The following DAB2IP variants were observed in gnomAD, a reference collection of about 807,000 sequenced individuals.
DAB2IP encodes the protein DAB2 interacting protein, also known as disabled homolog 2-interacting protein.
In DAB2IP, 28 loss-of-function variants were observed where a neutral mutation model predicts 107.2. The observed-to-expected ratio is 0.26, with a 90% CI of 0.19 to 0.36. The LOEUF is 0.36. DAB2IP is among the 10% of genes least tolerant of loss of function. The pLI, the probability that DAB2IP is intolerant of heterozygous loss-of-function variation, is 1.00. For synonymous variants in DAB2IP, 755 were observed against 706.4 expected, an observed-to-expected ratio of 1.07 and a Z score of -1.09; for missense variants, 1,400 against 1,644.7, an observed-to-expected ratio of 0.85 and a Z score of 2.57.
In DAB2IP at chr9:121,627,588, A is replaced by G. The variant is rs543312924; in HGVS notation, c.41-51090A>G. Among the ~76,000 whole-genome samples, 261 of 152,254 alleles carry G rather than the reference A, an allele frequency of 1.7e-3. 1 individual carries two copies. The highest frequency in any genetic ancestry group is 5.7e-3 in the African/African-American group (236 of 41,560). The stretch of plus-strand genomic sequence containing the variant: ...TGTGGCTGTGTACTCTCCTGGCAGC[A>G]GGATGTGAGAGTCGGTGGGTCATGA... On this transcript the variant is annotated intron_variant, in intron 1 of 16. Coordinates refer to the DAB2IP transcript ENST00000259371.
rs886997639 is a variant in DAB2IP at position 121,698,409 on chromosome 9, A to G, written c.229-916A>G. On this transcript the variant is annotated intron_variant, in intron 2 of 15. Coordinates refer to ENST00000408936, the Ensembl canonical transcript of DAB2IP. This position sits in a 1 kb window ranked among gnomAD's most constrained non-coding sequence, Gnocchi z 4.1. Reference sequence around the variant, plus strand: ...AACGCCTGTCTCCTCTGTCTCTGCCATTAGACCAGGAGCTCTTGGGATGGG... The same window carrying G: ...AACGCCTGTCTCCTCTGTCTCTGCCGTTAGACCAGGAGCTCTTGGGATGGG... Among the ~76,000 whole-genome samples the G allele has an allele frequency of 6.6e-6, 1 of 152,202 alleles. No homozygotes were observed. Among genetic ancestry groups the G allele is most frequent in the African/African-American group, 2.4e-5 (1 of 41,446 alleles).
chr9:121,773,586 C>T, intron 12 of DAB2IP, 91 bp downstream of exon 12: 1 of 1,315,178 alleles, frequency 7.6e-7, no homozygotes, highest in Non-Finnish European at 9.7e-7. Flanking sequence ...TCGGTCATTT[C>T]ACCTCCACCC....
At chr9:121,766,763 G>GGCAGGGCTGGTGTCC in intron 9 of DAB2IP, 33 bp downstream of exon 9, 1 of 1,609,126 alleles carries the variant, frequency 6.2e-7, no homozygotes, top group Non-Finnish European at 8.5e-7. Context: ...GGCAGAGTTG[G>GGCAGGGCTGGTGTCC]GCAGGGCTGG....
rs535502869 is a variant in DAB2IP at position 121,710,197 on chromosome 9, C to G, written c.362+10739C>G. ...TTCCAAGAGGTAAAAGTCACTTGCC[C>G]TGAGTCGGACAGCAGGTGAGTGGCA... On this transcript the variant is annotated intron_variant, in intron 3 of 15. Transcript: ENST00000408936. Among the ~76,000 whole-genome samples the G allele has an allele frequency of 6.6e-5, 10 of 152,336 alleles. No individual in the cohort carries two copies. The South Asian group carries it at 2.1e-3, about 32-fold the overall frequency.
At chr9:121,573,273 C>T (rs186597876) in intron 1 of DAB2IP, among the ~76,000 whole-genome samples, 48 of 151,938 alleles carry the variant, frequency 3.2e-4, no homozygotes, top group Middle Eastern at 3.4e-3. Flanking sequence ...GGCGGGGTTT[C>T]GCCATGTTGG....
intron 1 of DAB2IP, among the ~76,000 whole-genome samples, chr9:121,642,673 C>T (rs1053249008): frequency 6.0e-5 from 9 of 151,210 alleles, no homozygotes; most frequent in Non-Finnish European, 1.0e-4. Context: ...TCATGCACCT[C>T]GTTCATCACA....
Position 121,782,767 on chromosome 9 carries a change from G to C in DAB2IP, c.*269G>C, listed in dbSNP as rs1234523377. ...AGTGGGGACAGCCTGATGGGGCAGG[G>C]GGCCTGCCAAAAATATGTCTGTTGG... is the stretch of plus-strand genomic sequence containing the variant. On this transcript the variant is annotated 3_prime_UTR_variant, in exon 16 of 16. Transcript: ENST00000408936. The surrounding 1 kb of genome is among the most constrained non-coding windows in gnomAD (Gnocchi z 6.1). The C allele has an allele frequency of 1.5e-6, 2 of 1,321,688 alleles. No homozygotes were observed. Among genetic ancestry groups the C allele is most frequent in the African/African-American group, 3.0e-5 (2 of 67,598 alleles). The allele number at this position is 1,321,688 out of a possible 1,614,324, so 81.9% of individuals were successfully genotyped here.
At chr9:121,658,168 A>G (rs1719971313) in intron 1 of DAB2IP, among the ~76,000 whole-genome samples, 2 of 152,148 alleles carry the variant, frequency 1.3e-5, no homozygotes, top group Admixed American at 1.3e-4. Context: ...CAGGCTGCAT[A>G]CGTGTTTTGC....
intron 3 of DAB2IP, among the ~76,000 whole-genome samples, chr9:121,707,522 G>A (rs975309772): frequency 6.6e-6 from 1 of 152,138 alleles, no homozygotes; most frequent in Non-Finnish European, 1.5e-5. Flanking sequence ...CCTGCCTGTC[G>A]CCCTAACTTT....
At chr9:121,729,147 A>G (rs1831386026) in intron 3 of DAB2IP, among the ~76,000 whole-genome samples, 1 of 152,142 alleles carries the variant, frequency 6.6e-6, no homozygotes, top group Admixed American at 6.5e-5. Context: ...AAAGATTCTT[A>G]TCTCCTGTGT....
At chr9:121,716,944 ACT>A (rs1197798312) in intron 3 of DAB2IP, among the ~76,000 whole-genome samples, 1 of 151,862 alleles carries the variant, frequency 6.6e-6, no homozygotes, top group Non-Finnish European at 1.5e-5. Flanking sequence ...GTGAGTGGGA[ACT>A]CTGTCTCCTT....
intron 1 of DAB2IP, among the ~76,000 whole-genome samples, chr9:121,619,513 A>G (rs1179779099): frequency 2.0e-5 from 3 of 152,222 alleles, no homozygotes; most frequent in Non-Finnish European, 4.4e-5. Context: ...GTGTCAACAC[A>G]TATTTATTCA....
rs1251354561 is a variant in DAB2IP at position 121,782,846 on chromosome 9, C to T, written c.*348C>T. 2 of 1,084,716 alleles carry T rather than the reference C, an allele frequency of 1.8e-6. No homozygotes were observed. Among genetic ancestry groups the T allele is most frequent in the East Asian group, 1.4e-4 (2 of 14,510 alleles). 67.2% of individuals were successfully genotyped at this position (1,084,716 alleles called of 1,614,324 possible). ...CTGGATCTGGCCGAGTGCATGTGTCCCCCCACACCTGTGCCAGGGAGGGGG... is the reference window on the plus strand; with the variant it reads ...CTGGATCTGGCCGAGTGCATGTGTCTCCCCACACCTGTGCCAGGGAGGGGG... On this transcript the variant is annotated 3_prime_UTR_variant, in exon 16 of 16. Transcript: ENST00000408936. The surrounding 1 kb of genome is among the most constrained non-coding windows in gnomAD (Gnocchi z 6.1).
upstream of DAB2IP, among the ~76,000 whole-genome samples, chr9:121,649,291 G>A (rs914217834): frequency 6.9e-6 from 1 of 144,658 alleles, no homozygotes; most frequent in African/African-American, 2.4e-5. Context: ...GGGAAACTAA[G>A]GCACAGAGAA....
chr9:121,664,937 T>A (rs1432761848), intron 1 of DAB2IP, among the ~76,000 whole-genome samples: 1 of 152,258 alleles, frequency 6.6e-6, no homozygotes, highest in East Asian at 1.9e-4. Context: ...GGATCTTATA[T>A]ACAGTCTGAG....
intron 3 of DAB2IP, among the ~76,000 whole-genome samples, chr9:121,727,017 G>C (rs1831270079): frequency 6.6e-6 from 1 of 152,090 alleles, no homozygotes; most frequent in Non-Finnish European, 1.5e-5. Context: ...ATGTGGGGTG[G>C]TCTCTCAAAA....
At chr9:121,568,565 GAGAC>G (rs1379523966) in intron 1 of DAB2IP, among the ~76,000 whole-genome samples, 3 of 152,208 alleles carry the variant, frequency 2.0e-5, no homozygotes, top group Non-Finnish European at 2.9e-5. Context: ...TCTGGAATGG[GAGAC>G]AGACAAACGA....
At chr9:121,569,176 G>C (rs552672252) in intron 1 of DAB2IP, among the ~76,000 whole-genome samples, 2 of 152,374 alleles carry the variant, frequency 1.3e-5, no homozygotes, top group Admixed American at 1.3e-4. Context: ...TCCTGGGTCA[G>C]GGCAGCACAG....
chr9:121,598,308 C>A (rs1049403023), intron 1 of DAB2IP: 1 of 152,372 alleles, frequency 6.6e-6, no homozygotes, highest in African/African-American at 2.4e-5. Flanking sequence ...GAGAGCAGCT[C>A]TCGCTAAAAA....
Sources: gnomAD v4.1 joint callset for allele counts (sites outside exome capture counted in the v4.1 genomes callset) on GRCh38, gnomAD v4.1.1 for gene constraint, Gnocchi (gnomAD v3.1) non-coding constraint, MANE v1.5 for transcripts, NCBI Gene and HGNC (gene_info 2026-07-23, HGNC 2026-07-21) for gene names.